CNTNAP2: variants seen among roughly 807,000 people sequenced by gnomAD.
The protein encoded by CNTNAP2 is contactin associated protein 2, also known as contactin-associated protein-like 2.
CNTNAP2 carries 98 observed loss-of-function variants against 155.2 expected under a neutral mutation model. The ratio of observed to expected loss-of-function variants is 0.63; its 90% CI spans 0.54 to 0.75. CNTNAP2 has a LOEUF of 0.75. Ranked by LOEUF, CNTNAP2 falls within the 30% of genes least tolerant of loss-of-function variation. The pLI, the probability that CNTNAP2 is intolerant of heterozygous loss-of-function variation, is 0.00. For missense variants in CNTNAP2, 1,727 were observed against 1,688.1 expected, an observed-to-expected ratio of 1.02 and a Z score of -0.40; for synonymous variants, 651 against 631.2, an observed-to-expected ratio of 1.03 and a Z score of -0.47.
intron 1 of CNTNAP2, among the ~76,000 whole-genome samples, chr7:146,703,024 A>T (rs1270219582): frequency 6.6e-6 from 1 of 152,052 alleles, no homozygotes; most frequent in East Asian, 1.9e-4. Flanking sequence ...AAAAACAAAT[A>T]TTTTTTTCTT....
At chr7:146,727,142 AG>A (rs1210926530) in intron 1 of CNTNAP2, among the ~76,000 whole-genome samples, 2 of 152,274 alleles carry the variant, frequency 1.3e-5, no homozygotes, top group Non-Finnish European at 2.9e-5. Context: ...CAGTATCAGC[AG>A]TTTTCAGGTA....
intron 8 of CNTNAP2, among the ~76,000 whole-genome samples, chr7:147,185,477 C>T (rs1369174343): frequency 1.3e-5 from 2 of 152,050 alleles, no homozygotes; most frequent in African/African-American, 2.4e-5. Context: ...AACAACCAAA[C>T]TGTTTATATC....
At chr7:147,854,082 C>T (rs1452047804) in intron 13 of CNTNAP2, among the ~76,000 whole-genome samples, 2 of 152,158 alleles carry the variant, frequency 1.3e-5, no homozygotes, top group Admixed American at 6.5e-5. Flanking sequence ...TGTTTATGTG[C>T]TGACAGCTTG....
rs971280514 is a variant in CNTNAP2, at chr7:148,100,645, C to T, written c.2384-17473C>T. 7.2e-5 allele frequency among the ~76,000 whole-genome samples: 11 copies of T among 152,244 alleles called. 1 individual carries two copies. Among genetic ancestry groups the T allele is most frequent in the Middle Eastern group, 6.8e-3 (2 of 294 alleles). On this transcript the variant is annotated intron_variant, in intron 15 of 23. Transcript: ENST00000361727. ...CATACAATGGACAATTTACATAGATCGATTTTATGGTTTATGCCACATTAT... is the reference window on the plus strand; with the variant it reads ...CATACAATGGACAATTTACATAGATTGATTTTATGGTTTATGCCACATTAT...
chr7:146,670,481 GT>G (rs1409832530), intron 1 of CNTNAP2, among the ~76,000 whole-genome samples: 3 of 150,912 alleles, frequency 2.0e-5, no homozygotes, highest in Admixed American at 2.0e-4. Flanking sequence ...CAAAAAAAAA[GT>G]TTTAAAATTC....
At chr7:146,877,827 G>A (rs1051839504) in intron 3 of CNTNAP2, among the ~76,000 whole-genome samples, 3 of 152,028 alleles carry the variant, frequency 2.0e-5, no homozygotes, top group African/African-American at 7.2e-5. Context: ...GAGATTCTCA[G>A]TTCATTACCC....
chr7:146,694,605 T>G (rs1800751826), intron 1 of CNTNAP2, among the ~76,000 whole-genome samples: 1 of 152,172 alleles, frequency 6.6e-6, no homozygotes, highest in South Asian at 2.1e-4. Context: ...AGATAAACTT[T>G]AGAATCAGTG....
chr7:146,523,380 T>C (rs1797642630), intron 1 of CNTNAP2, among the ~76,000 whole-genome samples: 1 of 152,082 alleles, frequency 6.6e-6, no homozygotes, highest in African/African-American at 2.4e-5. Flanking sequence ...CTCCTTTTAA[T>C]TTTTCTCCCT....
At chr7:148,316,572 A>T (rs1200278801) in intron 21 of CNTNAP2, among the ~76,000 whole-genome samples, 1 of 152,248 alleles carries the variant, frequency 6.6e-6, no homozygotes, top group African/African-American at 2.4e-5. Context: ...CCTTATTTAC[A>T]CCTATTTTAT....
chr7:147,465,470 G>C (rs937229779), intron 10 of CNTNAP2, among the ~76,000 whole-genome samples: 2 of 152,034 alleles, frequency 1.3e-5, no homozygotes, highest in Non-Finnish European at 2.9e-5. Flanking sequence ...TACTGACATA[G>C]AAACATTTTT....
intron 1 of CNTNAP2, among the ~76,000 whole-genome samples, chr7:146,426,294 T>C (rs114184489): frequency 0.036 from 5,355 of 149,734 alleles, 338 homozygotes; most frequent in African/African-American, 0.12. Context: ...ACTAGCACCA[T>C]GGTACCAGAG....
At chr7:147,327,362 A>T (rs1221484872) in intron 9 of CNTNAP2, among the ~76,000 whole-genome samples, 1 of 152,026 alleles carries the variant, frequency 6.6e-6, no homozygotes, top group Non-Finnish European at 1.5e-5. Flanking sequence ...GGTGTGTCTG[A>T]CTCTAGACAC....
chr7:147,733,733 A>G (rs1796787566), intron 13 of CNTNAP2, among the ~76,000 whole-genome samples: 1 of 152,288 alleles, frequency 6.6e-6, no homozygotes, highest in Admixed American at 6.5e-5. Context: ...GAGGTCCTTC[A>G]CATCCTTTGT....
chr7:147,775,351 A>ATATATATTTATAAATATATATATT (rs1797562342), intron 13 of CNTNAP2, among the ~76,000 whole-genome samples: 3 of 42,786 alleles, frequency 7.0e-5, no homozygotes, highest in South Asian at 1.2e-3. Context: ...ATATATATTT[A>ATATATATTTATAAATATATATATT]TATATATTTA....
chr7:146,960,035 T>G (rs1435358809), intron 3 of CNTNAP2, among the ~76,000 whole-genome samples: 6 of 152,128 alleles, frequency 3.9e-5, no homozygotes, highest in Non-Finnish European at 8.8e-5. Flanking sequence ...CACTCGCAAA[T>G]GTTTTCGTGT....
intron 13 of CNTNAP2, among the ~76,000 whole-genome samples, chr7:147,893,731 C>T (rs1315586850): frequency 5.3e-5 from 8 of 152,188 alleles, no homozygotes; most frequent in Admixed American, 2.0e-4. Flanking sequence ...TATTACTCCA[C>T]GGCTTCACCT....
chr7:146,164,306 A>G (rs988604254), intron 1 of CNTNAP2, among the ~76,000 whole-genome samples: 3 of 152,198 alleles, frequency 2.0e-5, no homozygotes, highest in African/African-American at 7.2e-5. Context: ...CTGCTCATGT[A>G]TCACTCATCT....
intron 1 of CNTNAP2, among the ~76,000 whole-genome samples, chr7:146,765,241 T>C (rs1398591986): frequency 1.3e-5 from 2 of 152,206 alleles, no homozygotes; most frequent in Non-Finnish European, 2.9e-5. Context: ...AGACAAACCC[T>C]CTATATAATT....
intron 16 of CNTNAP2, among the ~76,000 whole-genome samples, chr7:148,138,906 A>G (rs1164097594): frequency 6.6e-6 from 1 of 152,140 alleles, no homozygotes; most frequent in Non-Finnish European, 1.5e-5. Context: ...ATATTCAAGG[A>G]GTTATTCTCA....
Sources: allele counts gnomAD v4.1 joint callset (sites outside exome capture counted in the v4.1 genomes callset), GRCh38; gene constraint gnomAD v4.1.1; transcripts MANE v1.5; gene names NCBI Gene and HGNC (gene_info 2026-07-23, HGNC 2026-07-21).